The following UNC5A variants were observed in gnomAD, a reference collection of about 807,000 sequenced individuals.
UNC5A encodes the protein netrin receptor UNC5A.
A neutral mutation model predicts 87.4 loss-of-function variants in UNC5A; 20 were observed. That is an observed-to-expected ratio of 0.23 (90% CI 0.16 to 0.33). UNC5A has a LOEUF of 0.33. Ranked by LOEUF, UNC5A falls within the 10% of genes least tolerant of loss-of-function variation. The pLI is 1.00. For missense variants in UNC5A, 844 were observed against 1,133.4 expected (o/e 0.74, Z 3.67); for synonymous variants, 438 against 482.3 (o/e 0.91, Z 1.20).
Position 176,874,932 on chromosome 5 carries a change from C to T in UNC5A, c.1378+366C>T, listed in dbSNP as rs55770076. On this transcript the variant is annotated intron_variant, in intron 8 of 14. Transcript: ENST00000329542. The surrounding 1 kb of genome is among the most constrained non-coding windows in gnomAD (Gnocchi z 7.6). ...AGCACGGGCCTGGGCAGAGGCCATCCTGGAGTCCCCACTGCATCCTGGCTT... is the reference window on the plus strand; with the variant it reads ...AGCACGGGCCTGGGCAGAGGCCATCTTGGAGTCCCCACTGCATCCTGGCTT... Among the ~76,000 whole-genome samples, 5,248 of 152,300 alleles carry T rather than the reference C, an allele frequency of 0.034. 290 individuals carry two copies. Among genetic ancestry groups the T allele is most frequent in the African/African-American group, 0.12 (4,784 of 41,548 alleles).
chr5:176,854,052 T>A (rs1441387557), intron 1 of UNC5A, among the ~76,000 whole-genome samples: 1 of 150,282 alleles, frequency 6.7e-6, no homozygotes, highest in African/African-American at 2.5e-5. Context: ...TGTACAGAGG[T>A]TTTTTATGTT....
chr5:176,839,398 A>G (rs904538086), intron 1 of UNC5A, among the ~76,000 whole-genome samples: 3 of 152,238 alleles, frequency 2.0e-5, no homozygotes, highest in Non-Finnish European at 4.4e-5. Flanking sequence ...GAGAGTGGAC[A>G]TGCCTCCCAG....
At chr5:176,832,831 T>C (rs1309404806) in intron 1 of UNC5A, among the ~76,000 whole-genome samples, 1 of 152,270 alleles carries the variant, frequency 6.6e-6, no homozygotes, top group East Asian at 1.9e-4. Flanking sequence ...TCGAGTGATC[T>C]CCAAATGAGG....
intron 1 of UNC5A, among the ~76,000 whole-genome samples, chr5:176,825,055 G>A (rs574629426): frequency 4.9e-4 from 74 of 152,262 alleles, no homozygotes; most frequent in Non-Finnish European, 3.1e-4. Flanking sequence ...CTTAGATTTC[G>A]CCTGTTCAGT....
chr5:176,819,022 T>A (rs541114703), intron 1 of UNC5A, among the ~76,000 whole-genome samples: 42 of 152,252 alleles, frequency 2.8e-4, no homozygotes, highest in Non-Finnish European at 5.4e-4. Flanking sequence ...AAGGGGACTC[T>A]TTCCCAGTAA....
At chr5:176,827,126 T>G (rs1237479547) in intron 1 of UNC5A, among the ~76,000 whole-genome samples, 3 of 151,604 alleles carry the variant, frequency 2.0e-5, no homozygotes, top group Non-Finnish European at 4.4e-5. Context: ...TAGCATAATG[T>G]GCTCCAGGTT....
chr5:176,824,345 T>C lies in UNC5A; in HGVS notation c.70+13525T>C, dbSNP rs940682000. Among the ~76,000 whole-genome samples, 2 of 152,030 alleles carry C rather than the reference T, an allele frequency of 1.3e-5. No homozygotes were observed. Among genetic ancestry groups the C allele is most frequent in the African/African-American group, 4.8e-5 (2 of 41,422 alleles). On this transcript the variant is annotated intron_variant, in intron 1 of 14. Coordinates refer to ENST00000329542, the MANE Select transcript of UNC5A (RefSeq NM_133369.3). This position sits in a 1 kb window ranked among gnomAD's most constrained non-coding sequence, Gnocchi z 4.2. ...TGGTCCCTGCAGCTTTTCTCAGTCC[T>C]GTGAGCTGCTGTTAACAGCCTTCCT... is the stretch of plus-strand genomic sequence containing the variant.
rs534200725 is a variant in UNC5A at position 176,834,212 on chromosome 5, C to T, written c.70+23392C>T. 1.8e-4 allele frequency among the ~76,000 whole-genome samples: 28 copies of T among 152,236 alleles called. 1 individual carries two copies. The South Asian group carries it at 3.9e-3, about 21-fold the overall frequency. ...AAGAAATTAAATAATTACACACTGC[C>T]GGGAGTATGGAAGAGAACAAAGGAG... On this transcript the variant is annotated intron_variant, in intron 1 of 14. Coordinates refer to ENST00000329542, the MANE Select transcript of UNC5A (RefSeq NM_133369.3).
chr5:176,846,405 A>G (rs918879843), intron 1 of UNC5A, among the ~76,000 whole-genome samples: 1 of 152,172 alleles, frequency 6.6e-6, no homozygotes, highest in Admixed American at 6.5e-5. Flanking sequence ...AAAGGGACCC[A>G]GACCAGCAGG....
intron 1 of UNC5A, among the ~76,000 whole-genome samples, chr5:176,846,622 G>T (rs534704051): frequency 6.6e-6 from 1 of 152,114 alleles, no homozygotes; most frequent in Non-Finnish European, 1.5e-5. Flanking sequence ...GACTTTGGGC[G>T]GTAACCTTGG....
chr5:176,867,407 C>A (rs1758000817), intron 2 of UNC5A, among the ~76,000 whole-genome samples: 3 of 152,184 alleles, frequency 2.0e-5, no homozygotes, highest in Admixed American at 6.5e-5. Flanking sequence ...AGACCCCCAG[C>A]TCCCCCTCTG....
At position 176,844,443 on chromosome 5, in the gene UNC5A, T is replaced by C. The variant is rs1757353981; in HGVS notation, c.71-18181T>C. Reference sequence around the variant, plus strand: ...AGGGGAAGTTTATGTCCACCCACGGTGTCCCAGCTGAGCGAGAAGGGACAC... The same window carrying C: ...AGGGGAAGTTTATGTCCACCCACGGCGTCCCAGCTGAGCGAGAAGGGACAC... On this transcript the variant is annotated intron_variant, in intron 1 of 14. Transcript: ENST00000329542. This position sits in a 1 kb window ranked among gnomAD's most constrained non-coding sequence, Gnocchi z 4.2. 6.6e-6 allele frequency among the ~76,000 whole-genome samples: 1 copy of C among 151,958 alleles called. No homozygotes were observed. The highest frequency in any genetic ancestry group is 2.1e-4 in the South Asian group (1 of 4,810).
chr5:176,849,928 C>T (rs1399699808), intron 1 of UNC5A, among the ~76,000 whole-genome samples: 1 of 152,190 alleles, frequency 6.6e-6, no homozygotes, highest in Non-Finnish European at 1.5e-5. Context: ...ACTCTGCCAC[C>T]ATCACTGGCC....
In UNC5A at chr5:176,874,034, T is replaced by C; in HGVS notation, c.953T>C (p.Leu318Pro). 1 of 1,614,104 alleles carries C rather than the reference T, an allele frequency of 6.2e-7. No individual in the cohort carries two copies. The highest frequency in any genetic ancestry group is 8.5e-7 in the Non-Finnish European group (1 of 1,179,984). Residue 318 changes from leucine to proline, a missense_variant, in exon 7 of 15, where the codon CTG (leucine) becomes CCG (proline). Around this residue, in one of 3 missense-constraint regions of UNC5A, gnomAD observed 314 missense variants for 466.5 expected, o/e 0.67. Transcript: ENST00000329542. This position sits in a 1 kb window ranked among gnomAD's most constrained non-coding sequence, Gnocchi z 7.6. ...ATCGCCGTGGCCGTCTGCCTGGTCCTGCTGCTGCTTGTCCTCATCCTCGTT... is the reference window on the plus strand; with the variant it reads ...ATCGCCGTGGCCGTCTGCCTGGTCCCGCTGCTGCTTGTCCTCATCCTCGTT... Reference protein sequence around the residue: ...GLIAVAVCLVLLLLVLILVYC... With the variant: ...GLIAVAVCLVPLLLVLILVYC...
rs756199499 is a variant in UNC5A, at chr5:176,879,988, C to T, written c.*102C>T. The T allele has an allele frequency of 3.2e-5, 45 of 1,416,082 alleles. No individual in the cohort carries two copies. Among genetic ancestry groups the T allele is most frequent in the Non-Finnish European group, 3.9e-5 (42 of 1,066,982 alleles). The allele number at this position is 1,416,082 out of a possible 1,614,324, so 87.7% of individuals were successfully genotyped here. On this transcript the variant is annotated 3_prime_UTR_variant, in exon 15 of 15. Coordinates refer to ENST00000329542, the MANE Select transcript of UNC5A (RefSeq NM_133369.3). ...CTTCCCCACACCGGGGAGAGCTGCT[C>T]GGACAGGCCCCCTCCCGGCCGAAGC...
Position 176,878,541 on chromosome 5 carries a change from C to A in UNC5A, c.2086C>A (p.Arg696Ser). 6.2e-7 allele frequency: 1 copy of A among 1,613,196 alleles called. No homozygotes were observed. The highest frequency in any genetic ancestry group is 8.5e-7 in the Non-Finnish European group (1 of 1,179,982). ...RYLHCTFTLE[R>S]VSPSTSDLAC... ...CTTGCACTGCACCTTCACCCTGGAG[C>A]GTGTCAGCCCCAGCACTAGTGACCT... Residue 696 changes from arginine (R) to serine (S), a missense_variant, in exon 13 of 15, where the codon CGT (arginine) becomes AGT (serine). Coordinates refer to ENST00000329542, the MANE Select transcript of UNC5A (RefSeq NM_133369.3).
At chr5:176,815,695 C>T (rs1417309817) in intron 1 of UNC5A, among the ~76,000 whole-genome samples, 6 of 152,172 alleles carry the variant, frequency 3.9e-5, no homozygotes, top group Non-Finnish European at 7.3e-5. Flanking sequence ...GGACTTAAGC[C>T]GCATCAGGGC....
At chr5:176,839,458 C>T (rs970643937) in intron 1 of UNC5A, among the ~76,000 whole-genome samples, 2 of 152,228 alleles carry the variant, frequency 1.3e-5, no homozygotes, top group Non-Finnish European at 2.9e-5. Flanking sequence ...ACGTTGGCTT[C>T]GTGGGGTGGG....
At chr5:176,829,278 T>TGGAA (rs1756935409) in intron 1 of UNC5A, among the ~76,000 whole-genome samples, 1 of 116,316 alleles carries the variant, frequency 8.6e-6, no homozygotes, top group South Asian at 3.1e-4. Context: ...GCTGGATGGA[T>TGGAA]GGATGGATAA....
Sources: gnomAD v4.1 joint callset for allele counts (sites outside exome capture counted in the v4.1 genomes callset) on GRCh38, gnomAD v4.1.1 for gene constraint, gnomAD v4.1.1 regional missense constraint, Gnocchi (gnomAD v3.1) non-coding constraint, MANE v1.5 for transcripts, NCBI Gene and HGNC (gene_info 2026-07-23, HGNC 2026-07-21) for gene names.